The following DNAH8 variants were observed in gnomAD, a reference collection of about 807,000 sequenced individuals.
DNAH8 encodes dynein axonemal heavy chain 8, also known as axonemal beta dynein heavy chain 8.
Under a neutral mutation model 562.1 loss-of-function variants are expected in DNAH8, and 382 were observed. The ratio of observed to expected loss-of-function variants is 0.68; its 90% CI spans 0.63 to 0.74. DNAH8 has a LOEUF of 0.74. DNAH8 is among the 30% of genes least tolerant of loss of function. The pLI, the probability that DNAH8 is intolerant of heterozygous loss-of-function variation, is 0.00. For synonymous variants in DNAH8, 1,881 were observed against 1,919.4 expected, an observed-to-expected ratio of 0.98 and a Z score of 0.52; for missense variants, 5,203 against 5,620.4, an observed-to-expected ratio of 0.93 and a Z score of 2.37.
chr6:38,778,558 C>A, intron 14 of DNAH8, 94 bp downstream of exon 14: 1 of 723,976 alleles, frequency 1.4e-6, no homozygotes, highest in Non-Finnish European at 2.3e-6. Flanking sequence ...GGAAATCTGT[C>A]CTACATAAAC....
intron 88 of DNAH8, among the ~76,000 whole-genome samples, chr6:39,008,106 G>A (rs970580291): frequency 6.6e-6 from 1 of 151,878 alleles, no homozygotes; most frequent in Non-Finnish European, 1.5e-5. Context: ...AAAGCATCCT[G>A]TTCTTTCCCT....
intron 62 of DNAH8, among the ~76,000 whole-genome samples, chr6:38,904,307 A>G (rs1780281936): frequency 6.6e-6 from 1 of 152,124 alleles, no homozygotes. Flanking sequence ...GTCTCAGTAG[A>G]GAGGAACCTT....
At chr6:38,743,087 G>A (rs756602352) in intron 8 of DNAH8, among the ~76,000 whole-genome samples, 4 of 146,130 alleles carry the variant, frequency 2.7e-5, no homozygotes, top group South Asian at 2.2e-4. Context: ...GCATGATCAC[G>A]GCTCACTGCA....
At chr6:38,951,668 T>C in intron 82 of DNAH8, 148 bp downstream of exon 82, 1 of 705,926 alleles carries the variant, frequency 1.4e-6, no homozygotes, top group Non-Finnish European at 2.4e-6. Flanking sequence ...CATCCTTTCA[T>C]ACCTCCTAAA....
intron 8 of DNAH8, 48 bp downstream of exon 8, chr6:38,741,935 T>A: frequency 6.7e-7 from 1 of 1,502,444 alleles, no homozygotes; most frequent in Non-Finnish European, 9.0e-7. Context: ...AACAAGCAAC[T>A]AGAAAATTAT....
chr6:38,938,877 G>C lies in DNAH8; in HGVS notation c.11896G>C (p.Val3966Leu). ...YLTYEVFTYS[V>L]RGLYENHKFL... ...GACATATGAAGTTTTTACATACTCTGTCAGAGGCCTATACGAAAACCACAA... is the reference window on the plus strand; with the variant it reads ...GACATATGAAGTTTTTACATACTCTCTCAGAGGCCTATACGAAAACCACAA... The change falls in exon 79 of 93, where the codon GTC (valine) becomes CTC (leucine). Residue 3966 changes from valine to leucine, a missense_variant. Transcript: ENST00000327475. The C allele has an allele frequency of 1.9e-6, 3 of 1,613,288 alleles. No homozygotes were observed. The highest frequency in any genetic ancestry group is 2.5e-6 in the Non-Finnish European group (3 of 1,179,330).
At chr6:38,922,366 G>A (rs946877997) in intron 71 of DNAH8, among the ~76,000 whole-genome samples, 3 of 151,984 alleles carry the variant, frequency 2.0e-5, no homozygotes, top group African/African-American at 4.8e-5. Context: ...CCAATGTAAC[G>A]TCACTGAGCA....
At chr6:38,926,859 G>A (rs914305115) in intron 74 of DNAH8, among the ~76,000 whole-genome samples, 2 of 151,924 alleles carry the variant, frequency 1.3e-5, no homozygotes, top group African/African-American at 4.8e-5. Context: ...ATTCTTCAAA[G>A]TCCACATCCA....
At chr6:38,749,806 G>A (rs1765273962) in intron 8 of DNAH8, among the ~76,000 whole-genome samples, 2 of 152,048 alleles carry the variant, frequency 1.3e-5, no homozygotes, top group South Asian at 4.1e-4. Context: ...TTGCTAGTAA[G>A]GTTTTGTTTT....
chr6:38,823,659 T>C lies in DNAH8; in HGVS notation c.3818T>C (p.Ile1273Thr), dbSNP rs375776680. The C allele has an allele frequency of 7.5e-6, 12 of 1,603,142 alleles. No individual in the cohort carries two copies. The highest frequency in any genetic ancestry group is 9.4e-6 in the Non-Finnish European group (11 of 1,170,964). The change falls in exon 28 of 93, where the codon ATT becomes ACT. Residue 1273 changes from isoleucine to threonine, a missense_variant. Transcript: ENST00000327475. ...EQEIDELKPI[I>T]VVGALELHTE... ...GAGATTGATGAGTTGAAGCCTATTA[T>C]TGTTGTAGGAGCACTTGAATTACAT...
chr6:38,884,094 TTA>T (rs1561814365), intron 56 of DNAH8, 96 bp downstream of exon 56: 3 of 866,436 alleles, frequency 3.5e-6, no homozygotes, highest in Non-Finnish European at 4.4e-6. Flanking sequence ...GTTAAAAACT[TTA>T]TGTTTTTAAG....
At chr6:38,752,212 GGAGTGCAGTGGTGCTAT>G (rs1182562356) in intron 9 of DNAH8, among the ~76,000 whole-genome samples, 1 of 150,944 alleles carries the variant, frequency 6.6e-6, no homozygotes, top group African/African-American at 2.5e-5. Flanking sequence ...CACCCAGGCT[GGAGTGCAGTGGTGCTAT>G]CTCTGCTCAC....
chr6:38,772,000 C>T (rs1373902437), intron 12 of DNAH8, among the ~76,000 whole-genome samples: 3 of 150,180 alleles, frequency 2.0e-5, no homozygotes, highest in African/African-American at 2.4e-5. Flanking sequence ...ATTTTGCATT[C>T]TAACAGCAAA....
chr6:39,004,431 T>C (rs1765674356), intron 88 of DNAH8, among the ~76,000 whole-genome samples: 1 of 152,204 alleles, frequency 6.6e-6, no homozygotes, highest in African/African-American at 2.4e-5. Context: ...TCCAACAGAA[T>C]AACCTCCCTC....
chr6:38,722,581 G>GGT (rs1554192112), intron 1 of DNAH8, among the ~76,000 whole-genome samples, 195 bp from the exon 2 acceptor site: 196 of 150,966 alleles, frequency 1.3e-3, no homozygotes, highest in African/African-American at 4.3e-3. Context: ...CAGGTGGGTG[G>GGT]GGGTGTGTGT....
chr6:38,790,417 AC>A lies in DNAH8; in HGVS notation c.2781+13del. On this transcript the variant is annotated intron_variant, in intron 20 of 92. Coordinates refer to ENST00000327475, the MANE Select transcript of DNAH8 (RefSeq NM_001206927.2). Reference sequence around the variant, plus strand: ...AACTTTTAAAGAAGGTATGATCTATACATTTAAAAAGCTATCAACATATATA... The same window carrying A: ...AACTTTTAAAGAAGGTATGATCTATAATTTAAAAAGCTATCAACATATATA... 7.7e-7 allele frequency: 1 copy of A among 1,293,888 alleles called. No homozygotes were observed. The highest frequency in any genetic ancestry group is 1.1e-6 in the Non-Finnish European group (1 of 907,698). 80.2% of individuals were successfully genotyped at this position (1,293,888 alleles called of 1,614,324 possible). A position where few individuals can be genotyped will look rare whatever the true frequency, so the allele number is the denominator to read the frequency against.
intron 43 of DNAH8, among the ~76,000 whole-genome samples, chr6:38,861,187 G>A (rs1428008326): frequency 6.6e-6 from 1 of 152,142 alleles, no homozygotes; most frequent in African/African-American, 2.4e-5. Context: ...TTAATATTAA[G>A]TGCTGCTGTT....
At chr6:38,981,196 G>A (rs774409289) in intron 85 of DNAH8, among the ~76,000 whole-genome samples, 7 of 152,124 alleles carry the variant, frequency 4.6e-5, no homozygotes, top group Non-Finnish European at 7.4e-5. Flanking sequence ...ACTAGAATTA[G>A]GGTCTAGGAA....
intron 17 of DNAH8, among the ~76,000 whole-genome samples, chr6:38,784,566 A>G (rs1213164516): frequency 6.6e-6 from 1 of 152,196 alleles, no homozygotes; most frequent in Non-Finnish European, 1.5e-5. Context: ...TGTGTCCCCT[A>G]CACCTTCCAA....
Sources: allele counts gnomAD v4.1 joint callset (sites outside exome capture counted in the v4.1 genomes callset), GRCh38; gene constraint gnomAD v4.1.1; transcripts MANE v1.5; gene names NCBI Gene and HGNC (gene_info 2026-07-23, HGNC 2026-07-21).